FHIT: variants seen among roughly 807,000 people sequenced by gnomAD.
FHIT encodes bis(5'-adenosyl)-triphosphatase.
FHIT carries 19 observed loss-of-function variants against 17.9 expected under a neutral mutation model. The ratio of observed to expected loss-of-function variants is 1.06; its 90% CI spans 0.74 to 1.56. The LOEUF is 1.56. Ranked by LOEUF, FHIT falls within the 40% of genes most tolerant of loss-of-function variation. FHIT has a pLI of 0.00. For missense variants in FHIT, 248 were observed against 189.2 expected (o/e 1.31, Z -1.82); for synonymous variants, 81 against 69.7 (o/e 1.16, Z -0.81).
intron 5 of FHIT, among the ~76,000 whole-genome samples, chr3:60,378,951 A>C (rs950308599): frequency 2.0e-5 from 3 of 152,210 alleles, no homozygotes; most frequent in Non-Finnish European, 4.4e-5. Context: ...CAAGCACTAC[A>C]ATCAAGTAGG....
chr3:60,849,040 A>G (rs1553747475), intron 3 of FHIT, among the ~76,000 whole-genome samples: 4 of 152,180 alleles, frequency 2.6e-5, no homozygotes, highest in African/African-American at 9.7e-5. Context: ...TTTAAAGTAT[A>G]TTTACTATAG....
intron 5 of FHIT, among the ~76,000 whole-genome samples, chr3:60,205,093 CAAA>C (rs201539340): frequency 2.9e-5 from 3 of 105,162 alleles, no homozygotes; most frequent in Non-Finnish European, 2.0e-5. Flanking sequence ...GACCCTGCCT[CAAA>C]AAAAAAAAAA....
intron 7 of FHIT, among the ~76,000 whole-genome samples, chr3:59,989,275 G>A (rs1709122290): frequency 6.6e-6 from 1 of 152,032 alleles, no homozygotes. Flanking sequence ...AGAATATGGA[G>A]ACAGCCTTTT....
At chr3:60,966,389 G>C (rs1456985378) in intron 3 of FHIT, among the ~76,000 whole-genome samples, 3 of 152,246 alleles carry the variant, frequency 2.0e-5, no homozygotes, top group African/African-American at 4.8e-5. Flanking sequence ...GCACTTCCCA[G>C]GTGAGGCGAT....
intron 7 of FHIT, among the ~76,000 whole-genome samples, chr3:59,962,561 G>T (rs1707736997): frequency 6.6e-6 from 1 of 152,150 alleles, no homozygotes; most frequent in Admixed American, 6.6e-5. Flanking sequence ...ATTGTCCTAA[G>T]CAAAAGGACA....
At chr3:59,977,877 T>C (rs1000007023) in intron 7 of FHIT, among the ~76,000 whole-genome samples, 11 of 152,160 alleles carry the variant, frequency 7.2e-5, no homozygotes, top group Non-Finnish European at 1.5e-4. Flanking sequence ...GAGAGTGATA[T>C]TTGGAATATT....
chr3:61,061,826 GCCT>G (rs1483737189), intron 2 of FHIT, among the ~76,000 whole-genome samples: 3 of 152,088 alleles, frequency 2.0e-5, no homozygotes, highest in African/African-American at 7.2e-5. Flanking sequence ...ATTACATTTT[GCCT>G]CCTCTTCTTT....
chr3:60,585,912 G>A (rs984267631), intron 4 of FHIT, among the ~76,000 whole-genome samples: 2 of 151,804 alleles, frequency 1.3e-5, no homozygotes, highest in Non-Finnish European at 2.9e-5. Flanking sequence ...GGACTTCTCA[G>A]AGCCCTTAGT....
chr3:60,450,817 G>C (rs570724502), intron 5 of FHIT, among the ~76,000 whole-genome samples: 3 of 152,134 alleles, frequency 2.0e-5, no homozygotes, highest in Non-Finnish European at 4.4e-5. Context: ...TGCTTGTAAC[G>C]AGCCAGTGAA....
intron 4 of FHIT, among the ~76,000 whole-genome samples, chr3:60,799,643 G>A (rs1358894006): frequency 6.6e-6 from 1 of 152,050 alleles, no homozygotes; most frequent in Non-Finnish European, 1.5e-5. Context: ...CAATCATCTG[G>A]CTACAGTGTT....
At chr3:60,418,410 A>G (rs2362882) in intron 5 of FHIT, among the ~76,000 whole-genome samples, 4,174 of 90,966 alleles carry the variant, frequency 0.046, 433 homozygotes, top group East Asian at 0.18. Context: ...ATATATATAT[A>G]TATATATATA....
At chr3:60,400,210 A>G (rs1701606969) in intron 5 of FHIT, among the ~76,000 whole-genome samples, 1 of 152,152 alleles carries the variant, frequency 6.6e-6, no homozygotes, top group Non-Finnish European at 1.5e-5. Context: ...GGAATTCAGG[A>G]GTTGTCCCTA....
At chr3:61,074,475 G>C (rs1475002066) in intron 2 of FHIT, among the ~76,000 whole-genome samples, 1 of 152,126 alleles carries the variant, frequency 6.6e-6, no homozygotes, top group African/African-American at 2.4e-5. Context: ...GGTTGACTTT[G>C]TGTTTTAACA....
In FHIT at chr3:60,027,144, C is replaced by CAAAA. The variant is rs1366510677; in HGVS notation, c.104-12993_104-12992insTTTT. Among the ~76,000 whole-genome samples, 128 of 118,200 alleles carry CAAAA rather than the reference C, an allele frequency of 1.1e-3. 2 individuals are homozygous for CAAAA. The highest frequency in any genetic ancestry group is 3.4e-3 in the African/African-American group (107 of 31,574). The allele number at this position is 118,200 out of a possible 152,430, so 77.5% of individuals were successfully genotyped here. A position where few individuals can be genotyped will look rare whatever the true frequency, so the allele number is the denominator to read the frequency against. On this transcript the variant is annotated intron_variant, in intron 5 of 9. Coordinates refer to ENST00000492590, the MANE Select transcript of FHIT (RefSeq NM_002012.4). ...ACACACACACACACACACACACACA[C>CAAAA]ACACAAAATTAGTAAACCCAATAAT...
intron 5 of FHIT, among the ~76,000 whole-genome samples, chr3:60,171,591 G>A (rs550687191): frequency 5.9e-5 from 9 of 152,158 alleles, no homozygotes; most frequent in African/African-American, 1.7e-4. Flanking sequence ...CTTTTTTCAC[G>A]ATGTAGTATT....
chr3:60,832,690 A>T (rs113492883), intron 3 of FHIT, among the ~76,000 whole-genome samples: 11,307 of 151,586 alleles, frequency 0.075, 502 homozygotes, highest in African/African-American at 0.12. Context: ...CAATTCATAA[A>T]AAAAAAAAAA....
intron 8 of FHIT, among the ~76,000 whole-genome samples, chr3:59,862,898 C>A (rs1298499863): frequency 6.6e-6 from 1 of 152,086 alleles, no homozygotes. Flanking sequence ...ATAACTGCTA[C>A]CAAGGGGTGA....
intron 4 of FHIT, among the ~76,000 whole-genome samples, chr3:60,564,511 C>A (rs932322045): frequency 1.3e-5 from 2 of 152,068 alleles, no homozygotes; most frequent in African/African-American, 4.8e-5. Flanking sequence ...AATTGAAAAC[C>A]TGGAAAGGAT....
At chr3:60,788,680 C>A (rs781936852) in intron 4 of FHIT, among the ~76,000 whole-genome samples, 2 of 152,012 alleles carry the variant, frequency 1.3e-5, no homozygotes, top group Non-Finnish European at 2.9e-5. Context: ...CACAGTATAG[C>A]CTAAGTGAAT....
Sources: gnomAD v4.1 joint callset for allele counts (sites outside exome capture counted in the v4.1 genomes callset) on GRCh38, gnomAD v4.1.1 for gene constraint, MANE v1.5 for transcripts, NCBI Gene and HGNC (gene_info 2026-07-23, HGNC 2026-07-21) for gene names.